The following SPSB1 variants were observed in gnomAD, a reference collection of about 807,000 sequenced individuals.
SPSB1 encodes the protein splA/ryanodine receptor domain and SOCS box containing 1.
SPSB1 carries 8 observed loss-of-function variants against 21.2 expected under a neutral mutation model. That is an observed-to-expected ratio of 0.38 (90% CI 0.22 to 0.68). SPSB1 has a LOEUF of 0.68. Among genes scored for constraint, SPSB1 ranks in the 30% least tolerant of loss-of-function variants. SPSB1 has a pLI of 0.53. For synonymous variants in SPSB1, 169 were observed against 161.7 expected (o/e 1.05, Z -0.34); for missense variants, 242 against 377.8 (o/e 0.64, Z 2.98).
rs376060720 is a variant in SPSB1 at position 9,362,192 on chromosome 1, CCCTT to C, written c.695-5241_695-5238del. On this transcript the variant is annotated intron_variant, in intron 2 of 2. Coordinates refer to ENST00000328089, the MANE Select transcript of SPSB1 (RefSeq NM_025106.4). ...CCAGGGCCACCCACCCTCCCTCCCT[CCCTT>C]CCTTCCTTCCTTCCATGTCGGGGAG... 1.0e-4 allele frequency among the ~76,000 whole-genome samples: 15 copies of C among 150,144 alleles called. No individual in the cohort carries two copies. In the South Asian group the frequency reaches 2.3e-3, roughly 23 times the overall value.
chr1:9,337,367 C>T (rs1456693589), intron 1 of SPSB1, among the ~76,000 whole-genome samples: 1 of 152,084 alleles, frequency 6.6e-6, no homozygotes, highest in Non-Finnish European at 1.5e-5. Flanking sequence ...TCCTGACACT[C>T]AGGGGAGGAG....
intron 1 of SPSB1, among the ~76,000 whole-genome samples, chr1:9,341,410 C>T (rs77777406): frequency 1.3e-5 from 2 of 152,246 alleles, no homozygotes; most frequent in African/African-American, 2.4e-5. Context: ...TGCCTCCCCC[C>T]ACTAGACTGA....
chr1:9,359,757 G>A (rs1640436229), intron 2 of SPSB1, among the ~76,000 whole-genome samples: 6 of 150,192 alleles, frequency 4.0e-5, no homozygotes, highest in Admixed American at 4.0e-4. Context: ...ATGGATGGCA[G>A]AGGCAAGAGT....
At chr1:9,322,424 C>G (rs931007762) in intron 1 of SPSB1, among the ~76,000 whole-genome samples, 1 of 152,342 alleles carries the variant, frequency 6.6e-6, no homozygotes, top group South Asian at 2.1e-4. Context: ...TCAGCAGATT[C>G]TCTTTTGTTA....
chr1:9,300,759 T>A (rs1460096021), intron 1 of SPSB1, among the ~76,000 whole-genome samples: 1 of 152,124 alleles, frequency 6.6e-6, no homozygotes, highest in South Asian at 2.1e-4. Context: ...TCTGAGCAGG[T>A]CCTGAAGGCA....
intron 1 of SPSB1, among the ~76,000 whole-genome samples, chr1:9,309,307 T>A (rs1478073864): frequency 0.016 from 2,057 of 130,820 alleles, 14 homozygotes; most frequent in African/African-American, 0.023. Context: ...AGAGAGTGTG[T>A]GTGTGTGTGT....
chr1:9,328,948 C>T (rs762619131), intron 1 of SPSB1, among the ~76,000 whole-genome samples: 6 of 152,138 alleles, frequency 3.9e-5, no homozygotes, highest in South Asian at 2.1e-4. Flanking sequence ...TCCCAGGGTA[C>T]GCTGGGGTGA....
Position 9,363,266 on chromosome 1 carries a change from G to A in SPSB1, c.695-4182G>A, listed in dbSNP as rs1640508116. Among the ~76,000 whole-genome samples the A allele has an allele frequency of 6.6e-6, 1 of 152,178 alleles. No individual in the cohort carries two copies. The highest frequency in any genetic ancestry group is 1.5e-5 in the Non-Finnish European group (1 of 68,038). On this transcript the variant is annotated intron_variant, in intron 2 of 2. Coordinates refer to ENST00000328089, the MANE Select transcript of SPSB1 (RefSeq NM_025106.4). This position sits in a 1 kb window ranked among gnomAD's most constrained non-coding sequence, Gnocchi z 4.5. ...TTTATGTACTTGAGGACCCAGAGAAGAGACCCATTCACAGGATGCCTGGGT... is the reference window on the plus strand; with the variant it reads ...TTTATGTACTTGAGGACCCAGAGAAAAGACCCATTCACAGGATGCCTGGGT...
At chr1:9,336,659 G>T (rs11121375) in intron 1 of SPSB1, among the ~76,000 whole-genome samples, 1 of 152,052 alleles carries the variant, frequency 6.6e-6, no homozygotes, top group African/African-American at 2.4e-5. Flanking sequence ...GAGTTCACCC[G>T]TGGCGCTGGG....
chr1:9,294,274 C>G (rs11121362), intron 1 of SPSB1, among the ~76,000 whole-genome samples: 9 of 125,444 alleles, frequency 7.2e-5, no homozygotes, highest in Non-Finnish European at 1.1e-4. Flanking sequence ...GTCTCTGTGT[C>G]TGTCTCTGTG....
intron 1 of SPSB1, among the ~76,000 whole-genome samples, chr1:9,342,197 A>G (rs1640101956): frequency 6.6e-6 from 1 of 152,290 alleles, no homozygotes; most frequent in East Asian, 1.9e-4. Flanking sequence ...CATGTGAGTG[A>G]GCCTGGCCAG....
In SPSB1 at chr1:9,293,132, C is replaced by G; in HGVS notation, c.-150+61C>G. The stretch of plus-strand genomic sequence containing the variant: ...GGGCGACCGGCCCGGGAGGGGGAGG[C>G]GCGGGGGGCCGGGCGAGGGCGGACG... On this transcript the variant is annotated intron_variant, in intron 1 of 2. Transcript: ENST00000328089. This position sits in a 1 kb window ranked among gnomAD's most constrained non-coding sequence, Gnocchi z 5.1. The G allele has an allele frequency of 1.0e-6, 1 of 973,356 alleles. No homozygotes were observed. The highest frequency in any genetic ancestry group is 1.2e-6 in the Non-Finnish European group (1 of 821,746). The allele number at this position is 973,356 out of a possible 1,614,324, so 60.3% of individuals were successfully genotyped here. A position where few individuals can be genotyped will look rare whatever the true frequency, so the allele number is the denominator to read the frequency against.
At chr1:9,330,611 G>C (rs1430420072) in intron 1 of SPSB1, among the ~76,000 whole-genome samples, 1 of 152,048 alleles carries the variant, frequency 6.6e-6, no homozygotes, top group Non-Finnish European at 1.5e-5. Context: ...ACGTTTGGGG[G>C]AGTATTTTGG....
At chr1:9,309,168 T>C (rs1183270164) in intron 1 of SPSB1, among the ~76,000 whole-genome samples, 7 of 151,272 alleles carry the variant, frequency 4.6e-5, no homozygotes. Flanking sequence ...GGGCATGGGG[T>C]GTCCTTGCAC....
intron 1 of SPSB1, among the ~76,000 whole-genome samples, chr1:9,323,074 G>A (rs1358304832): frequency 1.3e-5 from 2 of 152,164 alleles, no homozygotes; most frequent in Admixed American, 6.5e-5. Flanking sequence ...CGGGCCAGGC[G>A]GCCGCCCCTC....
rs960720707 is a variant in SPSB1 at position 9,368,683 on chromosome 1, G to A, written c.*1108G>A. On this transcript the variant is annotated 3_prime_UTR_variant, in exon 3 of 3. Coordinates refer to ENST00000328089, the MANE Select transcript of SPSB1 (RefSeq NM_025106.4). The stretch of plus-strand genomic sequence containing the variant: ...ACCCCCAGAACTAAGAAGGGAGGGC[G>A]AGTGGGTCTCCATTCCCCGAGAAGC... 7.2e-5 allele frequency: 11 copies of A among 152,080 alleles called. No homozygotes were observed. Among genetic ancestry groups the A allele is most frequent in the Non-Finnish European group, 1.6e-4 (11 of 68,010 alleles). 9.4% of individuals were successfully genotyped at this position (152,080 alleles called of 1,614,324 possible).
intron 1 of SPSB1, among the ~76,000 whole-genome samples, chr1:9,340,704 G>A (rs1334690060): frequency 2.0e-5 from 3 of 152,386 alleles, no homozygotes; most frequent in South Asian, 4.1e-4. Context: ...ACCGAGGGGC[G>A]TGGGATGCAC....
At position 9,292,910 on chromosome 1, in the gene SPSB1, C is replaced by T. The variant is rs1639142001; in HGVS notation, c.-311C>T. 7.1e-6 allele frequency: 7 copies of T among 982,922 alleles called. No individual in the cohort carries two copies. Among genetic ancestry groups the T allele is most frequent in the Admixed American group, 6.2e-5 (1 of 16,074 alleles). 60.9% of individuals were successfully genotyped at this position (982,922 alleles called of 1,614,324 possible). ...TTCTCCTCCGCACAGAAGTCGCGCTCGGGCAGCCTGCGCGCTCGCAGCAGG... is the reference window on the plus strand; with the variant it reads ...TTCTCCTCCGCACAGAAGTCGCGCTTGGGCAGCCTGCGCGCTCGCAGCAGG... On this transcript the variant is annotated 5_prime_UTR_variant, in exon 1 of 3. Coordinates refer to ENST00000328089, the MANE Select transcript of SPSB1 (RefSeq NM_025106.4).
intron 1 of SPSB1, among the ~76,000 whole-genome samples, chr1:9,311,529 C>T (rs1234708302): frequency 6.6e-6 from 1 of 152,126 alleles, no homozygotes; most frequent in African/African-American, 2.4e-5. Context: ...AAAGACCGAT[C>T]GGGCTTAGAA....
Sources: allele counts gnomAD v4.1 joint callset (sites outside exome capture counted in the v4.1 genomes callset), GRCh38; gene constraint gnomAD v4.1.1; non-coding constraint Gnocchi (gnomAD v3.1); transcripts MANE v1.5; gene names NCBI Gene and HGNC (gene_info 2026-07-23, HGNC 2026-07-21).